The following ZNF518A variants were observed in gnomAD, a reference collection of about 807,000 sequenced individuals.
The protein encoded by ZNF518A is zinc finger protein 518A.
In ZNF518A, 47 loss-of-function variants were observed where a neutral mutation model predicts 102.7. The observed-to-expected ratio is 0.46, with a 90% CI of 0.36 to 0.58. The LOEUF is 0.58. Ranked by LOEUF, ZNF518A falls within the 20% of genes least tolerant of loss-of-function variation. The pLI is 0.00. For missense variants in ZNF518A, 1,793 were observed against 1,699.8 expected, an observed-to-expected ratio of 1.05 and a Z score of -0.96; for synonymous variants, 652 against 594.6, an observed-to-expected ratio of 1.10 and a Z score of -1.40.
intron 1 of ZNF518A, among the ~76,000 whole-genome samples, chr10:96,184,245 CTCTT>C (rs1293698357): frequency 2.6e-5 from 4 of 152,156 alleles, no homozygotes; most frequent in Admixed American, 1.3e-4. Context: ...TGGGTCTTGA[CTCTT>C]TATCCAATTT....
In ZNF518A at chr10:96,190,192, T is replaced by G. The variant is rs148558681; in HGVS notation, n.36-13382T>G. ...AAGATAGTTCTGGGCCTCAGGGGGC[T>G]CACGTCCATGTCCATCGAATCTTCC... On this transcript the variant is annotated intron_variant and non_coding_transcript_variant, in intron 1 of 2. Transcript: ENST00000442635. 1.2e-4 allele frequency: 98 copies of G among 785,570 alleles called. No individual in the cohort carries two copies. The African/African-American group carries it at 1.3e-3, about 10-fold the overall frequency. The allele number at this position is 785,570 out of a possible 1,614,324, so 48.7% of individuals were successfully genotyped here. A position where few individuals can be genotyped will look rare whatever the true frequency, so the allele number is the denominator to read the frequency against.
In ZNF518A at chr10:96,138,196, G is replaced by A. The variant is rs944335172; in HGVS notation, c.-302+4548G>A. ...ATCCCTCCTGAATACTCTGTTCTTAGCATAGCAGCCCAAGTGATAGAAGTA... is the reference window on the plus strand; with the variant it reads ...ATCCCTCCTGAATACTCTGTTCTTAACATAGCAGCCCAAGTGATAGAAGTA... On this transcript the variant is annotated intron_variant, in intron 3 of 5. Transcript: ENST00000316045. 5.3e-5 allele frequency among the ~76,000 whole-genome samples: 8 copies of A among 152,182 alleles called. No individual in the cohort carries two copies. The East Asian group carries it at 7.7e-4, about 15-fold the overall frequency.
At chr10:96,204,070 G>T in exon 3 of ZNF518A, 1 of 1,613,776 alleles carries the variant, frequency 6.2e-7, no homozygotes, top group South Asian at 1.1e-5. Context: ...GCAGAGGTAT[G>T]GGTTTTTGGT....
intron 4 of ZNF518A, 158 bp downstream of exon 4, chr10:96,155,534 C>G (rs905897834): frequency 6.6e-6 from 1 of 152,204 alleles, no homozygotes. Context: ...GACTTTAGGA[C>G]TACACTAGGG....
chr10:96,188,955 C>T (rs1040152418), intron 1 of ZNF518A, among the ~76,000 whole-genome samples: 13 of 152,166 alleles, frequency 8.5e-5, no homozygotes, highest in Non-Finnish European at 1.5e-4. Flanking sequence ...GGTTTGCAGG[C>T]AATCTTTGGT....
chr10:96,187,862 T>C (rs1554892753), intron 1 of ZNF518A, among the ~76,000 whole-genome samples: 2 of 152,240 alleles, frequency 1.3e-5, no homozygotes, highest in East Asian at 1.9e-4. Context: ...TTTGTTTATT[T>C]TGAGACAGAG....
intron 3 of ZNF518A, 137 bp from the exon 4 acceptor site, chr10:96,155,189 T>A (rs970028195): frequency 2.0e-5 from 3 of 152,224 alleles, no homozygotes. Context: ...TACGTGGTAA[T>A]CACATAGAGT....
At chr10:96,136,210 G>T (rs1451101848) in intron 3 of ZNF518A, among the ~76,000 whole-genome samples, 1 of 151,656 alleles carries the variant, frequency 6.6e-6, no homozygotes, top group Non-Finnish European at 1.5e-5. Flanking sequence ...TTTCATTTTT[G>T]TATGCTAAAA....
intron 1 of ZNF518A, among the ~76,000 whole-genome samples, chr10:96,188,797 G>A (rs781806059): frequency 7.2e-5 from 11 of 152,212 alleles, no homozygotes; most frequent in East Asian, 3.9e-4. Context: ...TTCTATGGCC[G>A]CCATAATAAA....
intron 3 of ZNF518A, among the ~76,000 whole-genome samples, chr10:96,152,220 G>A (rs1591196603): frequency 6.6e-6 from 1 of 152,130 alleles, no homozygotes; most frequent in Middle Eastern, 3.4e-3. Context: ...GGCTGACGTG[G>A]GAGGATTACT....
At chr10:96,133,095 G>C (rs1316124869) in intron 2 of ZNF518A, among the ~76,000 whole-genome samples, 1 of 137,010 alleles carries the variant, frequency 7.3e-6, no homozygotes, top group Admixed American at 7.4e-5. Context: ...AGCAAAAAAA[G>C]TAATTTTTGG....
At chr10:96,180,794 G>A (rs587679030) in intron 1 of ZNF518A, among the ~76,000 whole-genome samples, 16 of 152,116 alleles carry the variant, frequency 1.1e-4, no homozygotes, top group African/African-American at 3.1e-4. Context: ...GAATAGTGCC[G>A]CAATAAACGT....
chr10:96,152,216 C>T (rs1414463135), intron 3 of ZNF518A, among the ~76,000 whole-genome samples: 3 of 151,920 alleles, frequency 2.0e-5, no homozygotes, highest in Non-Finnish European at 2.9e-5. Context: ...GGGAGGCTGA[C>T]GTGGGAGGAT....
rs1369116386 is a variant in ZNF518A, at chr10:96,160,904, T to C, written c.*130T>C. 2.0e-6 allele frequency: 2 copies of C among 1,015,142 alleles called. No individual in the cohort carries two copies. The highest frequency in any genetic ancestry group is 1.7e-5 in the African/African-American group (1 of 59,586). 62.9% of individuals were successfully genotyped at this position (1,015,142 alleles called of 1,614,324 possible). On this transcript the variant is annotated 3_prime_UTR_variant, in exon 6 of 6. Coordinates refer to ENST00000316045, the MANE Select transcript of ZNF518A (RefSeq NM_001330736.2). ...AATCGAACATTTTAAAAGTTGATTG[T>C]ATTTCTGTGGAAGAGTAAAAGTTGT...
intron 1 of ZNF518A, among the ~76,000 whole-genome samples, chr10:96,183,279 G>A (rs1209656195): frequency 1.3e-5 from 2 of 152,028 alleles, no homozygotes; most frequent in Non-Finnish European, 2.9e-5. Context: ...TGGATTCATT[G>A]ATTCTTTGAA....
At chr10:96,131,596 G>A (rs1554871872) in intron 1 of ZNF518A, among the ~76,000 whole-genome samples, 1 of 152,182 alleles carries the variant, frequency 6.6e-6, no homozygotes, top group Non-Finnish European at 1.5e-5. Flanking sequence ...AGAATAAAAT[G>A]TAGGTATGTT....
intron 1 of ZNF518A, among the ~76,000 whole-genome samples, chr10:96,168,990 T>C (rs1554890653): frequency 6.6e-6 from 1 of 152,194 alleles, no homozygotes; most frequent in Non-Finnish European, 1.5e-5. Flanking sequence ...TCTCTCTTTC[T>C]GAGACTCATC....
intron 3 of ZNF518A, among the ~76,000 whole-genome samples, chr10:96,136,587 A>G (rs2081609116): frequency 1.3e-5 from 2 of 151,730 alleles, no homozygotes; most frequent in African/African-American, 2.4e-5. Flanking sequence ...TGAGCAGCTG[A>G]GCTGGGAGGA....
At chr10:96,166,012 G>A (rs1015940364), downstream of ZNF518A, among the ~76,000 whole-genome samples, 4 of 152,152 alleles carry the variant, frequency 2.6e-5, no homozygotes, top group African/African-American at 9.7e-5. Context: ...TGAGAACCAA[G>A]GGGCCACGGG....
Sources: allele counts gnomAD v4.1 joint callset (sites outside exome capture counted in the v4.1 genomes callset), GRCh38; gene constraint gnomAD v4.1.1; transcripts MANE v1.5; gene names NCBI Gene and HGNC (gene_info 2026-07-23, HGNC 2026-07-21).